The following IL1RAPL1 variants were observed in gnomAD, a reference collection of about 807,000 sequenced individuals.
IL1RAPL1 encodes interleukin-1 receptor accessory protein-like 1.
A neutral mutation model predicts 48.4 loss-of-function variants in IL1RAPL1; 3 were observed. The ratio of observed to expected loss-of-function variants is 0.06; its 90% CI spans 0.03 to 0.16. IL1RAPL1 has a LOEUF of 0.16. Among genes scored for constraint, IL1RAPL1 ranks in the 10% least tolerant of loss-of-function variants. The pLI, the probability that IL1RAPL1 is intolerant of heterozygous loss-of-function variation, is 1.00. For synonymous variants in IL1RAPL1, 185 were observed against 187.7 expected (o/e 0.99, Z 0.12); for missense variants, 349 against 530.6 (o/e 0.66, Z 3.36).
intron 2 of IL1RAPL1, among the ~76,000 whole-genome samples, chrX:29,097,627 G>A (rs1368330922): frequency 9.0e-6 from 1 of 111,389 alleles, no homozygotes; most frequent in Non-Finnish European, 1.9e-5. Context: ...GTTAAGACCA[G>A]TGACACCCAT....
intron 5 of IL1RAPL1, among the ~76,000 whole-genome samples, chrX:29,472,179 C>T (rs1250757144): frequency 8.9e-6 from 1 of 111,896 alleles, no homozygotes; most frequent in Non-Finnish European, 1.9e-5. Context: ...TATGTTGCTA[C>T]CTATATCTCA....
intron 5 of IL1RAPL1, among the ~76,000 whole-genome samples, chrX:29,602,449 TA>T (rs1343607228): frequency 8.9e-6 from 1 of 112,030 alleles, no homozygotes; most frequent in Non-Finnish European, 1.9e-5. Flanking sequence ...AAAATAAAAA[TA>T]AAAACCCACA....
intron 5 of IL1RAPL1, among the ~76,000 whole-genome samples, chrX:29,585,983 A>G (rs1295528668): frequency 1.8e-5 from 2 of 111,714 alleles, no homozygotes; most frequent in African/African-American, 3.2e-5. Flanking sequence ...ATTCCGTGCT[A>G]TAAGTTGCCT....
At chrX:29,655,163 C>T (rs1925638413) in intron 5 of IL1RAPL1, among the ~76,000 whole-genome samples, 1 of 111,632 alleles carries the variant, frequency 9.0e-6, no homozygotes, top group Non-Finnish European at 1.9e-5. Context: ...GCAGATCAAA[C>T]CTCTTCAAAT....
At chrX:29,302,396 G>C (rs1294576988) in intron 3 of IL1RAPL1, among the ~76,000 whole-genome samples, 2 of 111,784 alleles carry the variant, frequency 1.8e-5, no homozygotes, top group Non-Finnish European at 3.8e-5. Flanking sequence ...ATAAAAATCA[G>C]GTAAGGCTTC....
chrX:29,078,141 G>A (rs1927722080), intron 2 of IL1RAPL1, among the ~76,000 whole-genome samples: 1 of 111,123 alleles, frequency 9.0e-6, no homozygotes, highest in African/African-American at 3.3e-5. Flanking sequence ...GTGTGGTAGC[G>A]CACGCCTGTA....
intron 6 of IL1RAPL1, among the ~76,000 whole-genome samples, chrX:29,849,576 C>T (rs1931320913): frequency 1.8e-5 from 2 of 111,791 alleles, no homozygotes; most frequent in South Asian, 7.5e-4. Context: ...TAAGAGAAGA[C>T]CTGTCTGAGA....
chrX:29,642,997 G>T (rs1159067539), intron 5 of IL1RAPL1, among the ~76,000 whole-genome samples: 1 of 112,176 alleles, frequency 8.9e-6, no homozygotes, highest in Non-Finnish European at 1.9e-5. Context: ...TTAATTTGAG[G>T]TGTTAACAAC....
chrX:28,818,861 G>A (rs1023907725), intron 2 of IL1RAPL1, among the ~76,000 whole-genome samples: 8 of 110,882 alleles, frequency 7.2e-5, no homozygotes, highest in African/African-American at 2.3e-4. Context: ...GTACACTCTA[G>A]TTTCTCTAGT....
intron 2 of IL1RAPL1, among the ~76,000 whole-genome samples, chrX:29,005,552 T>C (rs1471076579): frequency 8.9e-6 from 1 of 112,080 alleles, no homozygotes; most frequent in African/African-American, 3.2e-5. Flanking sequence ...AGAGTAAACT[T>C]TTAGCAGCAA....
At chrX:29,898,295 G>A (rs1020526906) in intron 6 of IL1RAPL1, among the ~76,000 whole-genome samples, 3 of 112,167 alleles carry the variant, frequency 2.7e-5, no homozygotes, top group African/African-American at 9.7e-5. Context: ...GCTGCCGTGG[G>A]CATGGCCACG....
At chrX:29,021,906 A>C (rs1926378009) in intron 2 of IL1RAPL1, among the ~76,000 whole-genome samples, 2 of 111,771 alleles carry the variant, frequency 1.8e-5, no homozygotes, top group Admixed American at 9.5e-5. Context: ...ATTGCCTTCA[A>C]CGCTCACTAC....
chrX:29,174,965 T>A (rs1042039735), intron 2 of IL1RAPL1, among the ~76,000 whole-genome samples: 1 of 108,351 alleles, frequency 9.2e-6, no homozygotes, highest in East Asian at 2.9e-4. Context: ...TCCCAGCTAC[T>A]TGGGAGGCTG....
chrX:29,393,724 G>GT (rs71979557), intron 3 of IL1RAPL1, among the ~76,000 whole-genome samples: 43,384 of 102,669 alleles, frequency 0.42, 7,930 homozygotes, highest in Middle Eastern at 0.6. Flanking sequence ...TTTTGTTTTT[G>GT]TTTTTTTTTT....
rs111841320 is a variant in IL1RAPL1 at position 29,252,720 on chromosome X, C to A, written c.83-30218C>A. Among the ~76,000 whole-genome samples the A allele has an allele frequency of 3.9e-3, 433 of 111,373 alleles. 1 individual carries two copies. The highest frequency in any genetic ancestry group is 0.013 in the African/African-American group (410 of 30,698). On this transcript the variant is annotated intron_variant, in intron 2 of 10. Transcript: ENST00000378993. ...TACTGAAATTTTCATGACTTGCCTT[C>A]ATATATGAGTATGTTTTTATTTCAA...
At chrX:29,021,583 G>A in intron 2 of IL1RAPL1, among the ~76,000 whole-genome samples, 1 of 112,118 alleles carries the variant, frequency 8.9e-6, no homozygotes, top group South Asian at 3.7e-4. Flanking sequence ...TTTAAGCACA[G>A]TAATTTCTAC....
chrX:28,738,632 G>A (rs1315076204), intron 1 of IL1RAPL1, among the ~76,000 whole-genome samples: 1 of 111,549 alleles, frequency 9.0e-6, no homozygotes, highest in East Asian at 2.8e-4. Context: ...AGGCCATAAG[G>A]CAGGCACCAT....
At chrX:29,543,115 TTCTCTCTC>T (rs59836290) in intron 5 of IL1RAPL1, among the ~76,000 whole-genome samples, 1,282 of 91,679 alleles carry the variant, frequency 0.014, 32 homozygotes, top group African/African-American at 0.051. Context: ...ATCTGTTCGT[TTCTCTCTC>T]TCTCTCTCTC....
At chrX:28,609,161 A>G (rs1351821559) in intron 1 of IL1RAPL1, among the ~76,000 whole-genome samples, 2 of 112,471 alleles carry the variant, frequency 1.8e-5, no homozygotes, top group African/African-American at 3.2e-5. Flanking sequence ...GCCAGCTGCA[A>G]TGATGAACAA....
Sources: gnomAD v4.1 joint callset for allele counts (sites outside exome capture counted in the v4.1 genomes callset) on GRCh38, gnomAD v4.1.1 for gene constraint, MANE v1.5 for transcripts, NCBI Gene and HGNC (gene_info 2026-07-23, HGNC 2026-07-21) for gene names.